Variants in AGBL1 observed in about 807,000 individuals in gnomAD.
AGBL1 encodes the protein AGBL carboxypeptidase 1.
AGBL1 carries 130 observed loss-of-function variants against 118.9 expected under a neutral mutation model. That is an observed-to-expected ratio of 1.09 (90% CI 0.95 to 1.26). The LOEUF (loss-of-function observed/expected upper bound fraction) is 1.26, where lower values mean the gene tolerates loss of function less well. Ranked by LOEUF, AGBL1 falls within the 50% of genes most tolerant of loss-of-function variation. The probability of loss-of-function intolerance (pLI) is 0.00; values close to 1 mark genes in which losing one functional copy is unlikely to be tolerated. For missense variants in AGBL1, 1,584 were observed against 1,298.1 expected, an observed-to-expected ratio of 1.22 and a Z score of -3.38; for synonymous variants, 555 against 478.9, an observed-to-expected ratio of 1.16 and a Z score of -2.08.
intron 18 of AGBL1, among the ~76,000 whole-genome samples, chr15:86,454,468 C>T (rs1200904585): frequency 6.6e-6 from 1 of 152,148 alleles, no homozygotes; most frequent in African/African-American, 2.4e-5. Flanking sequence ...CAGTTGTACT[C>T]ATAATCACCC....
At chr15:86,139,186 G>T (rs2076928258) in intron 1 of AGBL1, among the ~76,000 whole-genome samples, 1 of 152,150 alleles carries the variant, frequency 6.6e-6, no homozygotes, top group Non-Finnish European at 1.5e-5. Context: ...TTAGCCCAAA[G>T]CTCCCAGTGG....
chr15:86,592,744 G>A (rs529196115), intron 21 of AGBL1, among the ~76,000 whole-genome samples: 1 of 152,204 alleles, frequency 6.6e-6, no homozygotes, highest in African/African-American at 2.4e-5. Flanking sequence ...GAATGCTGCT[G>A]ATCACCAGCT....
At chr15:86,212,016 G>A (rs918210885) in intron 5 of AGBL1, among the ~76,000 whole-genome samples, 1 of 152,056 alleles carries the variant, frequency 6.6e-6, no homozygotes, top group Non-Finnish European at 1.5e-5. Context: ...TGGAATTCTT[G>A]TTTATTTTCT....
chr15:86,813,438 C>T (rs1335529086), intron 22 of AGBL1, among the ~76,000 whole-genome samples: 1 of 152,314 alleles, frequency 6.6e-6, no homozygotes, highest in South Asian at 2.1e-4. Context: ...ATCACATTCT[C>T]TTCTGCCTTC....
At chr15:86,277,503 T>G (rs1254778050) in intron 15 of AGBL1, among the ~76,000 whole-genome samples, 1 of 152,094 alleles carries the variant, frequency 6.6e-6, no homozygotes, top group Non-Finnish European at 1.5e-5. Context: ...GGAGTCCAGG[T>G]TTTGCCTGAA....
rs1402607580 is a variant in AGBL1, at chr15:86,439,129, G to T, written c.2555+41583G>T. On this transcript the variant is annotated intron_variant, in intron 18 of 22. Transcript: ENST00000614907. ...ATGTCGTAATGGGGCAGTGTATACA[G>T]GGGAGCAGCATCTCATCTCCTGCTT... Among the ~76,000 whole-genome samples, 5 of 152,128 alleles carry T rather than the reference G, an allele frequency of 3.3e-5. No homozygotes were observed. In the East Asian group the frequency reaches 9.7e-4, roughly 29 times the overall value.
intron 19 of AGBL1, among the ~76,000 whole-genome samples, chr15:86,544,700 T>C (rs2346722): frequency 0.65 from 98,343 of 151,996 alleles, 33,509 homozygotes; most frequent in East Asian, 0.88. Flanking sequence ...ATTTAATTGC[T>C]TCCACCTGGA....
At position 86,914,554 on chromosome 15, in the gene AGBL1, T is replaced by G. The variant is rs2080395391; in HGVS notation, c.*7260T>G. On this transcript the variant is annotated 3_prime_UTR_variant, in exon 23 of 23. Coordinates refer to ENST00000614907, the MANE Select transcript of AGBL1 (RefSeq NM_001386094.1). The stretch of plus-strand genomic sequence containing the variant: ...ACACAGTTACAGCTAACGTGGTAAT[T>G]AGCAACACTTAGTATCTATAATAGT... 6.6e-6 allele frequency: 1 copy of G among 152,136 alleles called. No homozygotes were observed. Among genetic ancestry groups the G allele is most frequent in the African/African-American group, 2.4e-5 (1 of 41,424 alleles). The allele number at this position is 152,136 out of a possible 1,614,324, so 9.4% of individuals were successfully genotyped here.
chr15:86,684,824 C>T (rs2086025730), intron 22 of AGBL1, among the ~76,000 whole-genome samples: 1 of 152,114 alleles, frequency 6.6e-6, no homozygotes, highest in South Asian at 2.1e-4. Flanking sequence ...GCTACTGACA[C>T]CCTCACATTC....
At chr15:86,509,008 G>A (rs930782159) in intron 18 of AGBL1, among the ~76,000 whole-genome samples, 11 of 152,000 alleles carry the variant, frequency 7.2e-5, no homozygotes, top group Admixed American at 3.9e-4. Flanking sequence ...CCCTTAGGTC[G>A]AAATAAAAAG....
At chr15:86,880,614 G>T (rs1319712070) in intron 22 of AGBL1, among the ~76,000 whole-genome samples, 1 of 152,126 alleles carries the variant, frequency 6.6e-6, no homozygotes, top group East Asian at 1.9e-4. Flanking sequence ...ATATACATGT[G>T]CACATGCAGA....
chr15:86,334,134 C>T (rs1202706194), intron 17 of AGBL1, among the ~76,000 whole-genome samples: 1 of 152,088 alleles, frequency 6.6e-6, no homozygotes, highest in African/African-American at 2.4e-5. Context: ...TCAGGATGCC[C>T]TCTCTCACCA....
intron 21 of AGBL1, among the ~76,000 whole-genome samples, chr15:86,632,418 G>C (rs1020187873): frequency 1.8e-4 from 27 of 151,998 alleles, no homozygotes; most frequent in Non-Finnish European, 3.2e-4. Context: ...ACTCCAGCCT[G>C]GGCAACAAGA....
chr15:86,866,556 A>G (rs2079633087), intron 22 of AGBL1, among the ~76,000 whole-genome samples: 2 of 152,206 alleles, frequency 1.3e-5, no homozygotes, highest in African/African-American at 4.8e-5. Flanking sequence ...TCAACAATAA[A>G]TAGAATACTA....
chr15:86,625,833 G>A (rs866240648), intron 21 of AGBL1, among the ~76,000 whole-genome samples: 11 of 152,124 alleles, frequency 7.2e-5, no homozygotes, highest in African/African-American at 2.4e-4. Flanking sequence ...ATCCAGCCAT[G>A]CCAATATCCG....
In AGBL1 at chr15:86,570,274, C is replaced by T. The variant is rs183532338; in HGVS notation, c.2994+15737C>T. ...CCAAACACTGGTAGGACCTTGAACC[C>T]AGCTATTGTCCAGGCTCTTGACACC... On this transcript the variant is annotated intron_variant, in intron 21 of 22. Transcript: ENST00000614907. 3.7e-3 allele frequency among the ~76,000 whole-genome samples: 569 copies of T among 152,298 alleles called. 3 individuals carry two copies. The highest frequency in any genetic ancestry group is 0.013 in the African/African-American group (525 of 41,550).
rs191254161 is a variant in AGBL1 at position 87,014,105 on chromosome 15, G to T, written c.3324-14720G>T. Among the ~76,000 whole-genome samples, 40 of 152,206 alleles carry T rather than the reference G, an allele frequency of 2.6e-4. 1 individual carries two copies. The East Asian group carries it at 6.4e-3, about 24-fold the overall frequency. ...TTTCTTGTATTAATTCCAACACATTGCTTGGTTTAAGGCTGACAGTTGTGA... is the reference window on the plus strand; with the variant it reads ...TTTCTTGTATTAATTCCAACACATTTCTTGGTTTAAGGCTGACAGTTGTGA... On this transcript the variant is annotated intron_variant, in intron 24 of 24. Transcript: ENST00000441037.
At chr15:86,420,124 A>G (rs1194813508) in intron 18 of AGBL1, among the ~76,000 whole-genome samples, 2 of 152,210 alleles carry the variant, frequency 1.3e-5, no homozygotes, top group Non-Finnish European at 2.9e-5. Flanking sequence ...ACTAAGGAAC[A>G]GACTACCTCT....
chr15:86,747,243 A>C (rs1238378840), intron 22 of AGBL1, among the ~76,000 whole-genome samples: 3 of 152,116 alleles, frequency 2.0e-5, no homozygotes, highest in African/African-American at 7.2e-5. Context: ...AATAATGCTT[A>C]TTAAGGAGTT....
Sources: gnomAD v4.1 joint callset for allele counts (sites outside exome capture counted in the v4.1 genomes callset) on GRCh38, gnomAD v4.1.1 for gene constraint, MANE v1.5 for transcripts, NCBI Gene and HGNC (gene_info 2026-07-23, HGNC 2026-07-21) for gene names.